Variants in SLC4A4 observed in about 807,000 individuals in gnomAD.
SLC4A4 encodes solute carrier family 4 member 4.
In SLC4A4, 27 loss-of-function variants were observed where a neutral mutation model predicts 111.5. That is an observed-to-expected ratio of 0.24 (90% confidence interval 0.18 to 0.33). SLC4A4 has a LOEUF of 0.33. Ranked by LOEUF, SLC4A4 falls within the 10% of genes least tolerant of loss-of-function variation. SLC4A4 has a pLI of 1.00. For synonymous variants in SLC4A4, 443 were observed against 463.4 expected (o/e 0.96, Z 0.57); for missense variants, 909 against 1,315.5 (o/e 0.69, Z 4.78).
chr4:71,287,409 A>T (rs1560849378), intron 3 of SLC4A4, among the ~76,000 whole-genome samples: 1 of 152,242 alleles, frequency 6.6e-6, no homozygotes, highest in Non-Finnish European at 1.5e-5. Flanking sequence ...TGATAATGTT[A>T]GCCATTCTTC....
At position 71,425,500 on chromosome 4, in the gene SLC4A4, C is replaced by A. The variant is rs116164165; in HGVS notation, c.808-15116C>A. On this transcript the variant is annotated intron_variant, in intron 7 of 25. Transcript: ENST00000264485. ...AAAAGTATCTGAGACAAGTCTCAAT[C>A]AATTTATAAGTTTATTTTGCCAAGA... 3.9e-5 allele frequency among the ~76,000 whole-genome samples: 6 copies of A among 152,248 alleles called. No homozygotes were observed. The East Asian group carries it at 1.2e-3, about 29-fold the overall frequency.
intron 7 of SLC4A4, among the ~76,000 whole-genome samples, chr4:71,424,192 A>G (rs1722851603): frequency 6.6e-6 from 1 of 152,116 alleles, no homozygotes; most frequent in African/African-American, 2.4e-5. Context: ...ACATGAACAG[A>G]CACTTCTCAA....
At chr4:71,374,857 G>T (rs564931232) in intron 6 of SLC4A4, among the ~76,000 whole-genome samples, 47 of 152,044 alleles carry the variant, frequency 3.1e-4, no homozygotes, top group African/African-American at 1.1e-3. Context: ...ATGGTGATAT[G>T]TGTGATATAT....
intron 1 of SLC4A4, among the ~76,000 whole-genome samples, chr4:71,205,348 C>T (rs1332990518): frequency 2.0e-5 from 3 of 152,086 alleles, no homozygotes; most frequent in Admixed American, 6.6e-5. Context: ...TCTTTGCATA[C>T]GATTAACATC....
chr4:71,319,707 C>A (rs1726967976), intron 3 of SLC4A4, among the ~76,000 whole-genome samples: 1 of 151,954 alleles, frequency 6.6e-6, no homozygotes, highest in Non-Finnish European at 1.5e-5. Context: ...ATTTTATAAG[C>A]CAGAATCGCA....
chr4:71,279,064 G>T (rs1355378653), intron 3 of SLC4A4, among the ~76,000 whole-genome samples: 1 of 152,114 alleles, frequency 6.6e-6, no homozygotes, highest in South Asian at 2.1e-4. Flanking sequence ...CACTCATGTA[G>T]TTATCATTTT....
intron 7 of SLC4A4, among the ~76,000 whole-genome samples, chr4:71,401,497 G>A (rs998008434): frequency 4.7e-4 from 71 of 152,262 alleles, no homozygotes; most frequent in Admixed American, 1.3e-3. Flanking sequence ...CTTCTATTTT[G>A]TTGCTATGGA....
rs1447488887 is a variant in SLC4A4 at position 71,106,109 on chromosome 4, G to A, written c.-2+13317G>A. Among the ~76,000 whole-genome samples, 308 of 150,056 alleles carry A rather than the reference G, an allele frequency of 2.1e-3. 1 individual carries two copies. Among genetic ancestry groups the A allele is most frequent in the African/African-American group, 6.2e-3 (252 of 40,798 alleles). On this transcript the variant is annotated intron_variant, in intron 2 of 26. Transcript: ENST00000649996. ...CAAACAACCCCATCAAAAAGTGGGC[G>A]AAGGACATGAACAGACACTTCTCAA...
chr4:71,341,148 T>A (rs1356780987), intron 4 of SLC4A4, among the ~76,000 whole-genome samples: 1 of 152,202 alleles, frequency 6.6e-6, no homozygotes, highest in Non-Finnish European at 1.5e-5. Context: ...TCAATTCAAC[T>A]CAACCAGTGT....
At chr4:71,119,017 C>G (rs1384860079) in intron 2 of SLC4A4, among the ~76,000 whole-genome samples, 1 of 151,532 alleles carries the variant, frequency 6.6e-6, no homozygotes, top group East Asian at 1.9e-4. Context: ...AAACCCATAG[C>G]AAGCATAACA....
intron 1 of SLC4A4, among the ~76,000 whole-genome samples, chr4:71,089,125 A>T (rs932974884): frequency 1.3e-5 from 2 of 150,382 alleles, no homozygotes; most frequent in East Asian, 3.9e-4. Flanking sequence ...TTTTCTCTAA[A>T]CTTCTCACTT....
chr4:71,121,378 G>GGCAGCTCCGCCCGCGGCCCTGGCAC (rs1743421293), intron 2 of SLC4A4, among the ~76,000 whole-genome samples: 1 of 152,224 alleles, frequency 6.6e-6, no homozygotes, highest in South Asian at 2.1e-4. Context: ...GGGACTGGCG[G>GGCAGCTCCGCCCGCGGCCCTGGCAC]GCAGCTCCGC....
intron 6 of SLC4A4, among the ~76,000 whole-genome samples, chr4:71,396,720 T>C (rs918824296): frequency 4.6e-5 from 7 of 152,226 alleles, no homozygotes; most frequent in African/African-American, 1.7e-4. Context: ...CATGGTCTAC[T>C]TGAAAACAGC....
At chr4:71,554,438 A>C (rs995409646) in intron 20 of SLC4A4, among the ~76,000 whole-genome samples, 7 of 151,888 alleles carry the variant, frequency 4.6e-5, no homozygotes, top group African/African-American at 1.7e-4. Flanking sequence ...GTTTACAGAC[A>C]TCACTTCTCC....
intron 5 of SLC4A4, 103 bp from the exon 6 acceptor site, chr4:71,356,904 AT>A: frequency 9.6e-7 from 1 of 1,038,792 alleles, no homozygotes; most frequent in Non-Finnish European, 1.4e-6. Flanking sequence ...AGAAAACAAT[AT>A]CTTGCTATTA....
In SLC4A4 at chr4:71,360,764, C is replaced by T. The variant is rs147910027; in HGVS notation, c.730+3577C>T. Among the ~76,000 whole-genome samples the T allele has an allele frequency of 3.6e-3, 542 of 152,166 alleles. 3 individuals are homozygous for T. Among genetic ancestry groups the T allele is most frequent in the African/African-American group, 0.012 (509 of 41,534 alleles). On this transcript the variant is annotated intron_variant, in intron 6 of 25. Transcript: ENST00000264485. The stretch of plus-strand genomic sequence containing the variant: ...GAATCAACTAACTATATGCAATTTA[C>T]AATACAATATTGTATATTTTATTAT...
At chr4:71,501,068 C>G (rs1278871019) in intron 16 of SLC4A4, among the ~76,000 whole-genome samples, 1 of 152,126 alleles carries the variant, frequency 6.6e-6, no homozygotes, top group East Asian at 1.9e-4. Flanking sequence ...TTAATAATAC[C>G]AATTCTTCAA....
chr4:71,250,885 A>C (rs2602070), intron 2 of SLC4A4, among the ~76,000 whole-genome samples: 135,369 of 152,156 alleles, frequency 0.89, 61,752 homozygotes, highest in Non-Finnish European at 0.99. Flanking sequence ...ACAAAGTTAA[A>C]TGGTTATAAT....
intron 1 of SLC4A4, among the ~76,000 whole-genome samples, chr4:71,077,719 C>A (rs903801069): frequency 9.2e-5 from 14 of 152,112 alleles, no homozygotes; most frequent in Admixed American, 6.6e-5. Flanking sequence ...AAATAATGAG[C>A]ATTGTAGCAG....
Sources: gnomAD v4.1 joint callset for allele counts (sites outside exome capture counted in the v4.1 genomes callset) on GRCh38, gnomAD v4.1.1 for gene constraint, MANE v1.5 for transcripts, NCBI Gene and HGNC (gene_info 2026-07-23, HGNC 2026-07-21) for gene names.